TRAK2: variants seen among roughly 807,000 people sequenced by gnomAD.
The protein encoded by TRAK2 is trafficking kinesin protein 2.
Under a neutral mutation model 104.6 loss-of-function variants are expected in TRAK2, and 81 were observed. That is an observed-to-expected ratio of 0.77 (90% confidence interval 0.65 to 0.93). TRAK2 has a LOEUF of 0.93. Ranked by LOEUF, TRAK2 falls within the 40% of genes least tolerant of loss-of-function variation. The pLI is 0.00. For missense variants in TRAK2, 1,002 were observed against 1,089.0 expected (o/e 0.92, Z 1.12); for synonymous variants, 406 against 394.4 (o/e 1.03, Z -0.35).
Position 201,386,202 on chromosome 2 carries a change from C to T in TRAK2, c.1963+16G>A, listed in dbSNP as rs369323439. The T allele has an allele frequency of 2.5e-6, 4 of 1,613,566 alleles. No homozygotes were observed. The African/African-American group carries it at 4.0e-5, about 16-fold the overall frequency. On this transcript the variant is annotated intron_variant, in intron 14 of 15. Coordinates refer to ENST00000332624, the MANE Select transcript of TRAK2 (RefSeq NM_015049.3). ...TTCTGGTTATTATACCATATTCAAC[C>T]AGACACTCTTCTCACCTGTAACTGG...
At chr2:201,393,134 A>G in intron 9 of TRAK2, 88 bp from the exon 10 acceptor site, 1 of 1,381,584 alleles carries the variant, frequency 7.2e-7, no homozygotes, top group Non-Finnish European at 9.7e-7. Context: ...ATAAGTATTG[A>G]TTTTACCCAG....
chr2:201,382,733 C>A (rs1264195666), intron 15 of TRAK2, among the ~76,000 whole-genome samples: 1 of 152,080 alleles, frequency 6.6e-6, no homozygotes, highest in Non-Finnish European at 1.5e-5. Flanking sequence ...CAAATGCTTC[C>A]GTAAATAATC....
chr2:201,430,510 A>C (rs1231780647), intron 1 of TRAK2, among the ~76,000 whole-genome samples: 1 of 151,978 alleles, frequency 6.6e-6, no homozygotes. Context: ...TTGTTTACCT[A>C]CTCAAGCTTC....
At chr2:201,428,031 T>C (rs982433645) in intron 1 of TRAK2, among the ~76,000 whole-genome samples, 2 of 152,192 alleles carry the variant, frequency 1.3e-5, no homozygotes, top group African/African-American at 4.8e-5. Context: ...TTTTTTCTTG[T>C]AAATTTGTTT....
intron 10 of TRAK2, among the ~76,000 whole-genome samples, chr2:201,391,255 T>C (rs933952000): frequency 2.6e-5 from 4 of 152,140 alleles, no homozygotes; most frequent in African/African-American, 4.8e-5. Context: ...TACATACAGA[T>C]TGAATATACA....
chr2:201,396,504 G>C (rs1951504270), intron 7 of TRAK2, among the ~76,000 whole-genome samples: 2 of 152,086 alleles, frequency 1.3e-5, no homozygotes, highest in South Asian at 4.1e-4. Context: ...AGATAGTACT[G>C]AACTCTATAC....
chr2:201,387,883 C>T lies in TRAK2; in HGVS notation c.1516G>A (p.Glu506Lys). The change falls in exon 13 of 16, where the codon GAA (glutamate) becomes AAA (lysine). Residue 506 changes from glutamate (E) to lysine (K), a missense_variant. By Grantham distance (56) the Glu-to-Lys change is moderately conservative. Coordinates refer to ENST00000332624, the MANE Select transcript of TRAK2 (RefSeq NM_015049.3). ...AGAACCTGGATCTTCCGCTGCCATT[C>T]TTCAGCAAAGAACTGCTTCTCACTT... ...YLSEKQFFAE[E>K]WQRKIQVLAD... The T allele has an allele frequency of 1.2e-6, 2 of 1,614,204 alleles. No individual in the cohort carries two copies. The highest frequency in any genetic ancestry group is 1.7e-6 in the Non-Finnish European group (2 of 1,180,030).
intron 1 of TRAK2, among the ~76,000 whole-genome samples, chr2:201,433,064 A>G (rs1321786515): frequency 3.3e-5 from 5 of 152,210 alleles, no homozygotes; most frequent in African/African-American, 1.2e-4. Flanking sequence ...ACAGAGACTC[A>G]CTAATTTTAA....
At chr2:201,429,705 A>G (rs1951824436) in intron 1 of TRAK2, among the ~76,000 whole-genome samples, 2 of 152,160 alleles carry the variant, frequency 1.3e-5, no homozygotes, top group Admixed American at 6.5e-5. Context: ...CATGGTTTTC[A>G]GCTCCCTCAG....
chr2:201,413,987 G>A (rs547377317), intron 2 of TRAK2, among the ~76,000 whole-genome samples: 4 of 152,126 alleles, frequency 2.6e-5, no homozygotes, highest in Non-Finnish European at 4.4e-5. Context: ...TTAGACACAC[G>A]ATTCATCCTT....
chr2:201,408,057 C>A (rs1951612214), intron 2 of TRAK2, among the ~76,000 whole-genome samples: 1 of 152,078 alleles, frequency 6.6e-6, no homozygotes, highest in Non-Finnish European at 1.5e-5. Flanking sequence ...ACTATAGCCA[C>A]CCTATGGTGC....
chr2:201,381,911 G>C (rs1951348634), intron 15 of TRAK2, among the ~76,000 whole-genome samples: 1 of 152,066 alleles, frequency 6.6e-6, no homozygotes, highest in South Asian at 2.1e-4. Context: ...ATAACTAATA[G>C]CTTCGACAAC....
rs1375939052 is a variant in TRAK2, at chr2:201,392,956, G to A, written c.1066C>T (p.Pro356Ser). The A allele has an allele frequency of 6.2e-7, 1 of 1,613,536 alleles. No homozygotes were observed. Among genetic ancestry groups the A allele is most frequent in the Non-Finnish European group, 8.5e-7 (1 of 1,179,774 alleles). The part of the protein sequence containing the change: ...EIKELRSRSG[P>S]TAHLYFSQSY... ...TGGGAGAAGTAGAGATGAGCAGTAGGGCCAGATCTACTACGAAGTTCCTTT... is the reference window on the plus strand; with the variant it reads ...TGGGAGAAGTAGAGATGAGCAGTAGAGCCAGATCTACTACGAAGTTCCTTT... The change falls in exon 10 of 16, where the codon CCT (proline) becomes TCT (serine). Residue 356 changes from proline to serine, a missense_variant. Transcript: ENST00000332624.
At chr2:201,384,563 G>A (rs1159724237) in intron 14 of TRAK2, among the ~76,000 whole-genome samples, 2 of 152,076 alleles carry the variant, frequency 1.3e-5, no homozygotes, top group African/African-American at 2.4e-5. Context: ...GACTCTGTGG[G>A]AGTCTACATG....
rs1343741888 is a variant in TRAK2, at chr2:201,380,486, G to A, written c.*57C>T. ...AAGTCAGACCAGACCACATGTTTCA[G>A]TGCATATCTATCCTTCATGTGCTAA... On this transcript the variant is annotated 3_prime_UTR_variant, in exon 16 of 16. Coordinates refer to ENST00000332624, the MANE Select transcript of TRAK2 (RefSeq NM_015049.3). 6.6e-7 allele frequency: 1 copy of A among 1,519,836 alleles called. No homozygotes were observed. Among genetic ancestry groups the A allele is most frequent in the East Asian group, 2.3e-5 (1 of 44,038 alleles). 94.1% of individuals were successfully genotyped at this position (1,519,836 alleles called of 1,614,324 possible).
chr2:201,426,089 A>G (rs746084790), intron 1 of TRAK2, among the ~76,000 whole-genome samples: 26 of 152,184 alleles, frequency 1.7e-4, no homozygotes, highest in Non-Finnish European at 1.6e-4. Context: ...CTCCTGTGCC[A>G]TAGAACTGTA....
At chr2:201,426,520 G>C (rs1951790446) in intron 1 of TRAK2, among the ~76,000 whole-genome samples, 1 of 152,142 alleles carries the variant, frequency 6.6e-6, no homozygotes. Context: ...CATCTCCACT[G>C]GTCCATGGAA....
chr2:201,395,166 T>G, intron 8 of TRAK2, 148 bp downstream of exon 8: 1 of 653,646 alleles, frequency 1.5e-6, no homozygotes, highest in Non-Finnish European at 2.5e-6. Flanking sequence ...TTATATGACA[T>G]AAAGATGATT....
chr2:201,411,743 A>T, intron 2 of TRAK2: 1 of 780,138 alleles, frequency 1.3e-6, no homozygotes, highest in Non-Finnish European at 2.4e-6. Context: ...AGGGTAGGAT[A>T]CCATCAAGTA....
Sources: allele counts gnomAD v4.1 joint callset (sites outside exome capture counted in the v4.1 genomes callset), GRCh38; gene constraint gnomAD v4.1.1; transcripts MANE v1.5; gene names NCBI Gene and HGNC (gene_info 2026-07-23, HGNC 2026-07-21).